The following ARFIP1 variants were observed in gnomAD, a reference collection of about 807,000 sequenced individuals.
ARFIP1 encodes the protein arfaptin-1.
Under a neutral mutation model 42.5 loss-of-function variants are expected in ARFIP1, and 24 were observed. The observed-to-expected ratio is 0.57, with a 90% CI of 0.41 to 0.80. ARFIP1 has a LOEUF of 0.80. Among genes scored for constraint, ARFIP1 ranks in the 30% least tolerant of loss-of-function variants. ARFIP1 has a pLI of 0.00. For synonymous variants in ARFIP1, 141 were observed against 153.7 expected, an observed-to-expected ratio of 0.92 and a Z score of 0.61; for missense variants, 354 against 434.0, an observed-to-expected ratio of 0.82 and a Z score of 1.64.
At chr4:152,824,165 T>A (rs918651372) in intron 1 of ARFIP1, among the ~76,000 whole-genome samples, 2 of 151,336 alleles carry the variant, frequency 1.3e-5, no homozygotes, top group Admixed American at 1.3e-4. Context: ...ATACAAAAAT[T>A]AGCTGGAAGT....
At chr4:152,874,719 C>T (rs550968663) in intron 5 of ARFIP1, among the ~76,000 whole-genome samples, 1 of 152,196 alleles carries the variant, frequency 6.6e-6, no homozygotes, top group Non-Finnish European at 1.5e-5. Flanking sequence ...GGCTTGAGTG[C>T]AGTTGTATGA....
chr4:152,898,069 C>T (rs548126112), intron 8 of ARFIP1, among the ~76,000 whole-genome samples: 3 of 150,806 alleles, frequency 2.0e-5, no homozygotes, highest in East Asian at 1.9e-4. Flanking sequence ...CTGCAACCTC[C>T]GCCTCCCGGG....
intron 2 of ARFIP1, among the ~76,000 whole-genome samples, chr4:152,830,519 A>G (rs772098259): frequency 6.6e-6 from 1 of 152,168 alleles, no homozygotes; most frequent in Non-Finnish European, 1.5e-5. Context: ...CGTATTTTTG[A>G]AAAAGTAGTG....
intron 1 of ARFIP1, among the ~76,000 whole-genome samples, chr4:152,786,083 TTC>T (rs916754059): frequency 6.6e-6 from 1 of 152,240 alleles, no homozygotes; most frequent in African/African-American, 2.4e-5. Flanking sequence ...TATTGCCATG[TTC>T]TCTCTCAGCT....
intron 2 of ARFIP1, among the ~76,000 whole-genome samples, chr4:152,856,962 T>C (rs1017133063): frequency 6.6e-6 from 1 of 152,298 alleles, no homozygotes; most frequent in African/African-American, 2.4e-5. Flanking sequence ...ATGAAAGGAA[T>C]GCTAATATTT....
chr4:152,816,495 T>A (rs908508527), intron 1 of ARFIP1, among the ~76,000 whole-genome samples: 1 of 152,240 alleles, frequency 6.6e-6, no homozygotes, highest in Non-Finnish European at 1.5e-5. Context: ...TCCCTCACTT[T>A]ATTCAGGTCT....
At position 152,889,526 on chromosome 4, in the gene ARFIP1, T is replaced by C. The variant is rs1251899314; in HGVS notation, c.966+1219T>C. Among the ~76,000 whole-genome samples the C allele has an allele frequency of 2.9e-5, 3 of 103,828 alleles. No individual in the cohort carries two copies. The East Asian group carries it at 8.0e-4, about 28-fold the overall frequency. The allele number at this position is 103,828 out of a possible 152,430, so 68.1% of individuals were successfully genotyped here. ...ATATATATATATATATATATATATA[T>C]ATATATATACACCTATTTTTGTGTG... On this transcript the variant is annotated intron_variant, in intron 8 of 8. Coordinates refer to ENST00000353617, the MANE Select transcript of ARFIP1 (RefSeq NM_001025595.3).
chr4:152,780,859 C>T (rs1407724320), intron 1 of ARFIP1, among the ~76,000 whole-genome samples: 2 of 152,158 alleles, frequency 1.3e-5, no homozygotes, highest in Non-Finnish European at 2.9e-5. Flanking sequence ...AGATGCTAGA[C>T]GTTTTTCCCT....
In ARFIP1 at chr4:152,874,736, A is replaced by C. The variant is rs138482247; in HGVS notation, c.411+2172A>C. Among the ~76,000 whole-genome samples, 12 of 152,240 alleles carry C rather than the reference A, an allele frequency of 7.9e-5. No homozygotes were observed. In the East Asian group the frequency reaches 2.3e-3, roughly 29 times the overall value. ...CTTGAGTGCAGTTGTATGATCATGGATCACTGCAACCATAACCACCTGGAC... is the reference window on the plus strand; with the variant it reads ...CTTGAGTGCAGTTGTATGATCATGGCTCACTGCAACCATAACCACCTGGAC... On this transcript the variant is annotated intron_variant, in intron 5 of 8. Transcript: ENST00000353617.
chr4:152,814,850 A>G lies in ARFIP1; in HGVS notation c.-9-14775A>G, dbSNP rs376698161. Among the ~76,000 whole-genome samples the G allele has an allele frequency of 1.6e-4, 25 of 152,358 alleles. No individual in the cohort carries two copies. The East Asian group carries it at 1.9e-3, about 12-fold the overall frequency. ...GCCTAGGAGACGGAAAGTTACTTGC[A>G]TAGATCCCTGTTTCCATTCTGCAAG... is the stretch of plus-strand genomic sequence containing the variant. On this transcript the variant is annotated intron_variant, in intron 1 of 8. Coordinates refer to ENST00000353617, the MANE Select transcript of ARFIP1 (RefSeq NM_001025595.3).
chr4:152,814,912 T>C (rs1309386686), intron 1 of ARFIP1, among the ~76,000 whole-genome samples: 1 of 152,228 alleles, frequency 6.6e-6, no homozygotes, highest in Non-Finnish European at 1.5e-5. Context: ...CTGTTTACTT[T>C]CTGATACTTT....
chr4:152,808,359 A>G (rs28510190), intron 1 of ARFIP1, among the ~76,000 whole-genome samples: 17,267 of 123,236 alleles, frequency 0.14, 1,155 homozygotes, highest in Middle Eastern at 0.25. Flanking sequence ...GTGGTAGTTC[A>G]TTGTATGACT....
intron 1 of ARFIP1, among the ~76,000 whole-genome samples, chr4:152,817,165 G>C (rs1729961240): frequency 6.6e-6 from 1 of 152,164 alleles, no homozygotes; most frequent in African/African-American, 2.4e-5. Context: ...AGCGTAATTT[G>C]AAAAGGTAGT....
chr4:152,788,536 C>G (rs1210423662), intron 1 of ARFIP1, among the ~76,000 whole-genome samples: 2 of 152,066 alleles, frequency 1.3e-5, no homozygotes, highest in East Asian at 3.9e-4. Flanking sequence ...AAAAAATTAG[C>G]TGGGCATGGT....
At chr4:152,868,950 T>C (rs1018084594) in intron 3 of ARFIP1, among the ~76,000 whole-genome samples, 12 of 152,224 alleles carry the variant, frequency 7.9e-5, no homozygotes, top group African/African-American at 2.9e-4. Flanking sequence ...TTCATTAATC[T>C]TACCGTTTAA....
chr4:152,848,653 ATGT>A (rs10579978), intron 2 of ARFIP1, among the ~76,000 whole-genome samples: 57,550 of 151,926 alleles, frequency 0.38, 11,927 homozygotes, highest in Admixed American at 0.49. Context: ...CACCAGTCAC[ATGT>A]TGTAACTTAT....
chr4:152,833,966 G>A (rs900121428), intron 2 of ARFIP1, among the ~76,000 whole-genome samples: 7 of 152,172 alleles, frequency 4.6e-5, no homozygotes, highest in African/African-American at 1.7e-4. Context: ...TGCAGGCTGT[G>A]CAGGAAGTAT....
chr4:152,870,472 G>A (rs922848174), intron 3 of ARFIP1, among the ~76,000 whole-genome samples: 1 of 152,126 alleles, frequency 6.6e-6, no homozygotes, highest in Admixed American at 6.5e-5. Flanking sequence ...AAATAGTAGA[G>A]TCCAGTTAAA....
At chr4:152,799,931 T>C (rs1731699630) in intron 1 of ARFIP1, among the ~76,000 whole-genome samples, 1 of 152,224 alleles carries the variant, frequency 6.6e-6, no homozygotes, top group Admixed American at 6.5e-5. Context: ...TAAGTCTGGA[T>C]GACGGTGATC....
Sources: gnomAD v4.1 joint callset for allele counts (sites outside exome capture counted in the v4.1 genomes callset) on GRCh38, gnomAD v4.1.1 for gene constraint, MANE v1.5 for transcripts, NCBI Gene and HGNC (gene_info 2026-07-23, HGNC 2026-07-21) for gene names.